The following TRPM3 variants were observed in gnomAD, a reference collection of about 807,000 sequenced individuals.
TRPM3 encodes the protein transient receptor potential cation channel subfamily M member 3.
A neutral mutation model predicts 181.2 loss-of-function variants in TRPM3; 77 were observed. That is an observed-to-expected ratio of 0.42 (90% CI 0.35 to 0.51). The LOEUF is 0.51. Ranked by LOEUF, TRPM3 falls within the 20% of genes least tolerant of loss-of-function variation. The probability of loss-of-function intolerance (pLI) is 0.01; values close to 1 mark genes in which losing one functional copy is unlikely to be tolerated. For missense variants in TRPM3, 1,759 were observed against 2,196.7 expected (o/e 0.80, Z 3.98); for synonymous variants, 745 against 796.4 (o/e 0.94, Z 1.09).
At chr9:71,221,665 G>T (rs7868415) in intron 1 of TRPM3, among the ~76,000 whole-genome samples, 210 of 152,204 alleles carry the variant, frequency 1.4e-3, no homozygotes, top group African/African-American at 4.8e-3. Context: ...TCCACATGTG[G>T]CTGCAGCATT....
chr9:71,200,561 A>G (rs532621194), intron 1 of TRPM3, among the ~76,000 whole-genome samples: 30 of 152,238 alleles, frequency 2.0e-4, no homozygotes, highest in South Asian at 1.5e-3. Context: ...GTGCTCCTGC[A>G]TTGGGTGCAT....
At chr9:70,568,544 AC>A (rs2051275137) in intron 22 of TRPM3, among the ~76,000 whole-genome samples, 1 of 152,210 alleles carries the variant, frequency 6.6e-6, no homozygotes, top group Admixed American at 6.5e-5. Context: ...CAATTGCTAT[AC>A]CCCAGGCATT....
intron 19 of TRPM3, among the ~76,000 whole-genome samples, chr9:70,608,949 A>AAGAT (rs1472466179): frequency 4.6e-5 from 7 of 152,176 alleles, no homozygotes; most frequent in African/African-American, 1.7e-4. Context: ...CAATAAAAGA[A>AAGAT]AGATATTATT....
intron 3 of TRPM3, among the ~76,000 whole-genome samples, chr9:70,851,100 A>T (rs2095211572): frequency 6.6e-6 from 1 of 151,930 alleles, no homozygotes; most frequent in Non-Finnish European, 1.5e-5. Context: ...TATACATTTC[A>T]TCTAGCCACT....
At chr9:70,647,433 A>C (rs1477301180) in intron 9 of TRPM3, among the ~76,000 whole-genome samples, 8 of 152,208 alleles carry the variant, frequency 5.3e-5, no homozygotes, top group Non-Finnish European at 1.0e-4. Context: ...AGAACTAAAA[A>C]CAAAAAACAC....
At chr9:70,942,943 T>C (rs2096899646) in intron 1 of TRPM3, among the ~76,000 whole-genome samples, 1 of 152,122 alleles carries the variant, frequency 6.6e-6, no homozygotes, top group Non-Finnish European at 1.5e-5. Context: ...AAAGATAAAC[T>C]AATGCAACAA....
chr9:70,979,766 G>T (rs1225340340), intron 1 of TRPM3, among the ~76,000 whole-genome samples: 1 of 152,058 alleles, frequency 6.6e-6, no homozygotes, highest in African/African-American at 2.4e-5. Flanking sequence ...CACAGTTCTG[G>T]AGGCTGAAAA....
chr9:70,805,693 GTTC>G (rs1369830117), intron 6 of TRPM3, among the ~76,000 whole-genome samples: 2 of 151,908 alleles, frequency 1.3e-5, no homozygotes. Context: ...CCCTATAAGA[GTTC>G]TTATTACTTG....
chr9:71,420,713 A>AAGAAAG (rs2093723208), intron 1 of TRPM3, among the ~76,000 whole-genome samples: 1 of 20,602 alleles, frequency 4.9e-5, no homozygotes, highest in Non-Finnish European at 1.0e-4. Flanking sequence ...GAGAGAAAGA[A>AAGAAAG]AGAGAGAAAG....
intron 9 of TRPM3, among the ~76,000 whole-genome samples, chr9:70,651,551 T>C (rs572773167): frequency 2.6e-4 from 39 of 152,328 alleles, no homozygotes; most frequent in South Asian, 4.1e-4. Context: ...TTGCACATAC[T>C]GTTCCAGACA....
intron 8 of TRPM3, among the ~76,000 whole-genome samples, chr9:70,743,362 A>G (rs2074526109): frequency 6.6e-6 from 1 of 152,174 alleles, no homozygotes; most frequent in African/African-American, 2.4e-5. Flanking sequence ...TTCCCCTTTG[A>G]AACTTTTATT....
At chr9:71,212,424 T>A (rs950949193) in intron 1 of TRPM3, among the ~76,000 whole-genome samples, 4 of 151,026 alleles carry the variant, frequency 2.6e-5, no homozygotes, top group African/African-American at 9.7e-5. Context: ...TTATTGGTGT[T>A]TCCTTGAGTT....
chr9:70,559,734 A>C (rs2048594455), intron 22 of TRPM3, among the ~76,000 whole-genome samples: 1 of 152,166 alleles, frequency 6.6e-6, no homozygotes, highest in African/African-American at 2.4e-5. Flanking sequence ...GGGGTGAAAG[A>C]TCAGTGACAT....
In TRPM3 at chr9:71,095,632, G is replaced by A. The variant is rs561040528; in HGVS notation, c.177+25546C>T. Among the ~76,000 whole-genome samples, 9 of 151,750 alleles carry A rather than the reference G, an allele frequency of 5.9e-5. No individual in the cohort carries two copies. In the South Asian group the frequency reaches 6.2e-4, roughly 11 times the overall value. ...AAATTAGCCGGGCATGGTGGCATGC[G>A]TCTGTAATCCCAGCTACTAGGGAGG... On this transcript the variant is annotated intron_variant, in intron 1 of 25. Coordinates refer to ENST00000677713, the MANE Select transcript of TRPM3 (RefSeq NM_001366145.2).
chr9:71,325,315 G>C (rs1442174298), intron 1 of TRPM3, among the ~76,000 whole-genome samples: 1 of 152,146 alleles, frequency 6.6e-6, no homozygotes, highest in East Asian at 1.9e-4. Flanking sequence ...AATGTGATGA[G>C]CAAGGAAACG....
intron 1 of TRPM3, among the ~76,000 whole-genome samples, chr9:71,000,417 G>C (rs1390090198): frequency 1.3e-5 from 2 of 152,136 alleles, no homozygotes; most frequent in Non-Finnish European, 2.9e-5. Flanking sequence ...CAGATCCATG[G>C]CCAGGCCTCT....
intron 1 of TRPM3, among the ~76,000 whole-genome samples, chr9:70,970,401 G>A (rs750745292): frequency 1.2e-4 from 18 of 152,202 alleles, no homozygotes; most frequent in East Asian, 5.8e-4. Context: ...AATTAAATCC[G>A]TACAAAGGTT....
chr9:71,060,464 G>A (rs1268687165), intron 1 of TRPM3, among the ~76,000 whole-genome samples: 2 of 152,094 alleles, frequency 1.3e-5, no homozygotes, highest in Non-Finnish European at 2.9e-5. Context: ...TGGAAGTTCA[G>A]TAACATGTCC....
chr9:71,147,434 C>CACACACACACACACAG (rs1191972604), intron 1 of TRPM3, among the ~76,000 whole-genome samples: 1 of 151,226 alleles, frequency 6.6e-6, no homozygotes, highest in Non-Finnish European at 1.5e-5. Context: ...GACACACACA[C>CACACACACACACACAG]ACACACACAC....
Sources: gnomAD v4.1 joint callset for allele counts (sites outside exome capture counted in the v4.1 genomes callset) on GRCh38, gnomAD v4.1.1 for gene constraint, MANE v1.5 for transcripts, NCBI Gene and HGNC (gene_info 2026-07-23, HGNC 2026-07-21) for gene names.